The following WNK1 variants were observed in gnomAD, a reference collection of about 807,000 sequenced individuals.
The protein encoded by WNK1 is WNK lysine deficient protein kinase 1, also known as serine/threonine-protein kinase WNK1.
A neutral mutation model predicts 222.8 loss-of-function variants in WNK1; 38 were observed. That is an observed-to-expected ratio of 0.17 (90% CI 0.13 to 0.22). The LOEUF is 0.22. Ranked by LOEUF, WNK1 falls within the 10% of genes least tolerant of loss-of-function variation. The pLI is 1.00. For missense variants in WNK1, 2,348 were observed against 2,918.4 expected (o/e 0.80, Z 4.50); for synonymous variants, 1,090 against 1,092.9 (o/e 1.00, Z 0.05).
chr12:889,097 A>G, intron 20 of WNK1, 43 bp from the exon 21 acceptor site: 1 of 1,529,996 alleles, frequency 6.5e-7, no homozygotes, highest in Non-Finnish European at 9.1e-7. Flanking sequence ...CGTGACTCTG[A>G]AGGTGCCACG....
chr12:882,927 C>T lies in WNK1; in HGVS notation c.3373-16C>T. ...GAATATGGTCTTTGGAGATGATGTACCTTTTTTCTTTTTAGGTTTCAAATA... is the reference window on the plus strand; with the variant it reads ...GAATATGGTCTTTGGAGATGATGTATCTTTTTTCTTTTTAGGTTTCAAATA... On this transcript the variant is annotated splice_polypyrimidine_tract_variant and intron_variant, in intron 14 of 27. Coordinates refer to ENST00000315939, the MANE Select transcript of WNK1 (RefSeq NM_018979.4). 2 of 1,494,228 alleles carry T rather than the reference C, an allele frequency of 1.3e-6. No individual in the cohort carries two copies. The highest frequency in any genetic ancestry group is 1.4e-5 in the African/African-American group (1 of 72,594). 92.6% of individuals were successfully genotyped at this position (1,494,228 alleles called of 1,614,324 possible).
intron 1 of WNK1, among the ~76,000 whole-genome samples, chr12:765,190 G>T (rs1403378850): frequency 1.4e-5 from 2 of 147,718 alleles, no homozygotes; most frequent in South Asian, 2.2e-4. Flanking sequence ...TCATTGTCTT[G>T]TACTAGCCAC....
Position 908,050 on chromosome 12 carries a change from GCC to G in WNK1, c.6831+17_6831+18del. 6.2e-7 allele frequency: 1 copy of G among 1,613,710 alleles called. No homozygotes were observed. The highest frequency in any genetic ancestry group is 8.5e-7 in the Non-Finnish European group (1 of 1,179,892). On this transcript the variant is annotated intron_variant, in intron 27 of 27. Coordinates refer to ENST00000315939, the MANE Select transcript of WNK1 (RefSeq NM_018979.4). Reference sequence around the variant, plus strand: ...GAATTACGAGGTAAGTCTCTCTTTTGCCGCAGAGAATCCGTAACACACATCTG... The same window carrying G: ...GAATTACGAGGTAAGTCTCTCTTTTGGCAGAGAATCCGTAACACACATCTG...
chr12:908,844 G>C lies in WNK1; in HGVS notation c.*52G>C. On this transcript the variant is annotated 3_prime_UTR_variant, in exon 28 of 28. Coordinates refer to ENST00000315939, the MANE Select transcript of WNK1 (RefSeq NM_018979.4). ...TGGGGGCAGGAGATGGAATGCTGAG[G>C]GGGTGGGTGGGGGTGGGAAGTAGCC... 1 of 1,293,630 alleles carries C rather than the reference G, an allele frequency of 7.7e-7. No homozygotes were observed. The highest frequency in any genetic ancestry group is 1.1e-6 in the Non-Finnish European group (1 of 896,472). 80.1% of individuals were successfully genotyped at this position (1,293,630 alleles called of 1,614,324 possible).
intron 4 of WNK1, among the ~76,000 whole-genome samples, chr12:843,938 T>C (rs1219454848): frequency 6.6e-6 from 1 of 152,196 alleles, no homozygotes; most frequent in African/African-American, 2.4e-5. Context: ...TTTGGTTAAT[T>C]AAATAAAAAG....
intron 4 of WNK1, among the ~76,000 whole-genome samples, chr12:837,752 C>T (rs1048587741): frequency 6.6e-6 from 1 of 152,032 alleles, no homozygotes; most frequent in African/African-American, 2.4e-5. Flanking sequence ...CAAAGTCCTT[C>T]TCGGGCCATA....
At chr12:881,233 C>T (rs1953127623) in intron 12 of WNK1, among the ~76,000 whole-genome samples, 1 of 152,152 alleles carries the variant, frequency 6.6e-6, no homozygotes, top group South Asian at 2.1e-4. Flanking sequence ...ACCCTATTAG[C>T]ACTTCACTTC....
chr12:781,933 C>A (rs1321924182), intron 1 of WNK1, among the ~76,000 whole-genome samples: 3 of 151,922 alleles, frequency 2.0e-5, no homozygotes, highest in Non-Finnish European at 2.9e-5. Flanking sequence ...TTTTAAAATC[C>A]AATGATTAAA....
At chr12:789,534 CTTTTTT>C (rs34511181) in intron 1 of WNK1, among the ~76,000 whole-genome samples, 1 of 117,742 alleles carries the variant, frequency 8.5e-6, no homozygotes, top group Admixed American at 8.9e-5. Flanking sequence ...GGTTATACTC[CTTTTTT>C]TTTTTTTTTT....
intron 9 of WNK1, among the ~76,000 whole-genome samples, chr12:874,445 C>A (rs762437654): frequency 2.0e-5 from 3 of 152,122 alleles, no homozygotes; most frequent in Non-Finnish European, 4.4e-5. Context: ...GATGTTAATA[C>A]AAGGGTCACT....
At chr12:856,539 CAT>C (rs1407204135) in intron 4 of WNK1, among the ~76,000 whole-genome samples, 3 of 152,012 alleles carry the variant, frequency 2.0e-5, no homozygotes, top group Admixed American at 6.6e-5. Context: ...TGTAGTATCA[CAT>C]GTGATAGTGG....
At chr12:818,706 A>G (rs183647924) in intron 2 of WNK1, among the ~76,000 whole-genome samples, 30 of 152,360 alleles carry the variant, frequency 2.0e-4, no homozygotes, top group Admixed American at 1.7e-3. Context: ...GATATGTCCT[A>G]TAAATAGACT....
chr12:845,024 T>G (rs1944670954), intron 4 of WNK1, among the ~76,000 whole-genome samples: 1 of 147,418 alleles, frequency 6.8e-6, no homozygotes, highest in South Asian at 2.2e-4. Context: ...GCCTCCCAAG[T>G]AGCTGGGACT....
intron 1 of WNK1, among the ~76,000 whole-genome samples, chr12:812,012 T>C (rs939004275): frequency 2.7e-4 from 41 of 152,228 alleles, no homozygotes; most frequent in Non-Finnish European, 5.6e-4. Context: ...TAGATTGTCA[T>C]TCAGTGTATT....
Position 884,446 on chromosome 12 carries a change from G to A in WNK1, c.3844+203G>A, listed in dbSNP as rs1443268670. Among the ~76,000 whole-genome samples, 1 of 152,094 alleles carries A rather than the reference G, an allele frequency of 6.6e-6. No individual in the cohort carries two copies. The highest frequency in any genetic ancestry group is 1.9e-4 in the East Asian group (1 of 5,194). ...ATTACAGAAAAAGCCAAGAAGCACG[G>A]CCATACCAAGATATAGTCTGTATAA... On this transcript the variant is annotated intron_variant, in intron 18 of 27. Coordinates refer to ENST00000315939, the MANE Select transcript of WNK1 (RefSeq NM_018979.4). This position sits in a 1 kb window ranked among gnomAD's most constrained non-coding sequence, Gnocchi z 5.6.
chr12:754,429 C>G (rs916359393), intron 1 of WNK1, 105 bp downstream of exon 1: 14 of 1,482,868 alleles, frequency 9.4e-6, no homozygotes, highest in African/African-American at 4.1e-5. Context: ...CTGTTGGACT[C>G]CGAGTGGGAC....
At chr12:838,600 G>A (rs57958302) in intron 4 of WNK1, among the ~76,000 whole-genome samples, 1 of 151,632 alleles carries the variant, frequency 6.6e-6, no homozygotes, top group Non-Finnish European at 1.5e-5. Flanking sequence ...ATTTTTTGTA[G>A]AGACGAGGTT....
chr12:845,097 G>A (rs910033271), intron 4 of WNK1, among the ~76,000 whole-genome samples: 16 of 151,058 alleles, frequency 1.1e-4, no homozygotes, highest in South Asian at 6.3e-4. Context: ...GGGTTTCACC[G>A]TTTTAGCCGG....
intron 8 of WNK1, chr12:867,886 G>T: frequency 2.5e-6 from 4 of 1,613,970 alleles, no homozygotes; most frequent in Middle Eastern, 1.6e-4. Context: ...TGGCGCATCC[G>T]TGTGGGGGGA....
Sources: allele counts gnomAD v4.1 joint callset (sites outside exome capture counted in the v4.1 genomes callset), GRCh38; gene constraint gnomAD v4.1.1; non-coding constraint Gnocchi (gnomAD v3.1); transcripts MANE v1.5; gene names NCBI Gene and HGNC (gene_info 2026-07-23, HGNC 2026-07-21).